Variants in SHISA6 observed in about 807,000 individuals in gnomAD.
SHISA6 encodes shisa family member 6, also known as protein shisa-6.
SHISA6 carries 22 observed loss-of-function variants against 47.9 expected under a neutral mutation model. The ratio of observed to expected loss-of-function variants is 0.46; its 90% CI spans 0.33 to 0.66. SHISA6 has a LOEUF of 0.66. SHISA6 is among the 30% of genes least tolerant of loss of function. The pLI, the probability that SHISA6 is intolerant of heterozygous loss-of-function variation, is 0.02. For missense variants in SHISA6, 680 were observed against 764.6 expected (o/e 0.89, Z 1.30); for synonymous variants, 388 against 337.8 (o/e 1.15, Z -1.63).
chr17:11,363,591 A>G (rs117097573), intron 2 of SHISA6, among the ~76,000 whole-genome samples: 1 of 152,264 alleles, frequency 6.6e-6, no homozygotes, highest in East Asian at 1.9e-4. Context: ...TCTTGTTGTT[A>G]TAGTTGGGGT....
intron 3 of SHISA6, among the ~76,000 whole-genome samples, chr17:11,519,072 C>G (rs569757447): frequency 4.6e-5 from 7 of 152,188 alleles, no homozygotes; most frequent in African/African-American, 1.7e-4. Context: ...TTGTCCTCTT[C>G]CCCTCTCCCT....
At chr17:11,477,402 C>A (rs1916078462) in intron 3 of SHISA6, among the ~76,000 whole-genome samples, 1 of 152,004 alleles carries the variant, frequency 6.6e-6, no homozygotes, top group South Asian at 2.1e-4. Flanking sequence ...TCTCTAATTT[C>A]TTAACCTATC....
At chr17:11,447,688 G>A (rs1482415230) in intron 3 of SHISA6, among the ~76,000 whole-genome samples, 2 of 152,240 alleles carry the variant, frequency 1.3e-5, no homozygotes, top group Non-Finnish European at 2.9e-5. Flanking sequence ...TGTTCACTCG[G>A]ATGGATTGAC....
chr17:11,263,227 G>C (rs529395954), intron 1 of SHISA6, 139 bp from the exon 2 acceptor site: 6 of 868,018 alleles, frequency 6.9e-6, no homozygotes, highest in Non-Finnish European at 8.8e-6. Context: ...AGATGTAGCT[G>C]ACTATTGAGA....
intron 3 of SHISA6, among the ~76,000 whole-genome samples, chr17:11,409,452 C>T (rs1258365660): frequency 1.3e-5 from 2 of 152,106 alleles, no homozygotes; most frequent in Admixed American, 6.6e-5. Context: ...AGTGGTGGCT[C>T]ACGCCTGTAA....
chr17:11,450,327 C>T (rs148274271), intron 3 of SHISA6, among the ~76,000 whole-genome samples: 1,523 of 152,224 alleles, frequency 0.01, 26 homozygotes, highest in African/African-American at 0.035. Flanking sequence ...AGGACTTCAA[C>T]ATATCTTCTT....
chr17:11,411,842 G>C (rs28622253), intron 3 of SHISA6, among the ~76,000 whole-genome samples: 5 of 152,086 alleles, frequency 3.3e-5, no homozygotes, highest in African/African-American at 1.2e-4. Flanking sequence ...TGGGTAGCTG[G>C]AGTTTTATTG....
rs1306810726 is a variant in SHISA6 at position 11,241,443 on chromosome 17, G to A, written c.21G>A (p.Leu7=). The change falls in exon 1 of 6, where the codon CTG becomes CTA. Residue 7 remains leucine, a synonymous_variant. Coordinates refer to ENST00000441885, the MANE Select transcript of SHISA6 (RefSeq NM_207386.4). This position sits in a 1 kb window ranked among gnomAD's most constrained non-coding sequence, Gnocchi z 5.5. MALRRL[L]LLLLLSLESL... is the part of the protein sequence containing the mutation. ...CCGCCATGGCGCTGCGGCGCCTCCT[G>A]CTGCTGCTGCTGCTCTCGCTGGAGT... 8.6e-6 allele frequency: 10 copies of A among 1,158,082 alleles called. No individual in the cohort carries two copies. Among genetic ancestry groups the A allele is most frequent in the Non-Finnish European group, 9.7e-6 (9 of 924,496 alleles). The allele number at this position is 1,158,082 out of a possible 1,614,324, so 71.7% of individuals were successfully genotyped here.
chr17:11,284,074 A>G (rs528621265), intron 2 of SHISA6, among the ~76,000 whole-genome samples: 1 of 152,250 alleles, frequency 6.6e-6, no homozygotes, highest in African/African-American at 2.4e-5. Flanking sequence ...ACACACAGAC[A>G]TACACACATT....
At chr17:11,247,500 G>A (rs368552433) in intron 1 of SHISA6, among the ~76,000 whole-genome samples, 3 of 152,044 alleles carry the variant, frequency 2.0e-5, no homozygotes, top group East Asian at 3.9e-4. Context: ...TTGAAATTAT[G>A]GTGAATTTTG....
chr17:11,291,376 C>G (rs1909535004), intron 2 of SHISA6, among the ~76,000 whole-genome samples: 2 of 152,046 alleles, frequency 1.3e-5, no homozygotes, highest in Non-Finnish European at 2.9e-5. Flanking sequence ...TGGCTTACAC[C>G]TGTAATCTCA....
chr17:11,459,027 C>A (rs765303946), intron 3 of SHISA6, among the ~76,000 whole-genome samples: 2 of 150,126 alleles, frequency 1.3e-5, no homozygotes, highest in South Asian at 4.3e-4. Flanking sequence ...CTGGCTAACA[C>A]GGTGAAACCC....
intron 3 of SHISA6, among the ~76,000 whole-genome samples, chr17:11,534,851 C>T (rs899757972): frequency 6.6e-6 from 1 of 152,106 alleles, no homozygotes; most frequent in Non-Finnish European, 1.5e-5. Context: ...GGCTACGGGC[C>T]AGGAGCGGTG....
intron 3 of SHISA6, among the ~76,000 whole-genome samples, chr17:11,533,522 C>G (rs2071755679): frequency 6.6e-6 from 1 of 151,748 alleles, no homozygotes; most frequent in Non-Finnish European, 1.5e-5. Flanking sequence ...CCCCACCGTC[C>G]AAAATCAAGT....
intron 2 of SHISA6, among the ~76,000 whole-genome samples, chr17:11,358,952 A>G (rs11869713): frequency 0.49 from 75,214 of 151,968 alleles, 19,041 homozygotes; most frequent in African/African-American, 0.59. Flanking sequence ...GAGCTACCAC[A>G]CCCAGCCCAG....
intron 3 of SHISA6, among the ~76,000 whole-genome samples, chr17:11,420,264 G>A (rs1267818521): frequency 6.6e-6 from 1 of 152,108 alleles, no homozygotes; most frequent in East Asian, 1.9e-4. Flanking sequence ...CTGCCCCCGC[G>A]GGACTGGTTG....
intron 2 of SHISA6, among the ~76,000 whole-genome samples, chr17:11,352,026 G>A (rs1370087736): frequency 6.6e-6 from 1 of 152,148 alleles, no homozygotes; most frequent in Admixed American, 6.5e-5. Context: ...GCCTCAAGAT[G>A]TTGGACACGT....
chr17:11,527,508 TC>T (rs1479952278), intron 3 of SHISA6, among the ~76,000 whole-genome samples: 1 of 152,186 alleles, frequency 6.6e-6, no homozygotes, highest in Non-Finnish European at 1.5e-5. Flanking sequence ...GGATAATCAT[TC>T]TTTTTATATT....
At chr17:11,502,730 A>AAAAT (rs1417987945) in intron 3 of SHISA6, among the ~76,000 whole-genome samples, 1 of 152,240 alleles carries the variant, frequency 6.6e-6, no homozygotes, top group African/African-American at 2.4e-5. Flanking sequence ...CCGTCTCAAA[A>AAAAT]AAATAAATAA....
Sources: gnomAD v4.1 joint callset for allele counts (sites outside exome capture counted in the v4.1 genomes callset) on GRCh38, gnomAD v4.1.1 for gene constraint, Gnocchi (gnomAD v3.1) non-coding constraint, MANE v1.5 for transcripts, NCBI Gene and HGNC (gene_info 2026-07-23, HGNC 2026-07-21) for gene names.